Variants in CARMIL1 observed in about 807,000 individuals in gnomAD.
The protein encoded by CARMIL1 is capping protein regulator and myosin 1 linker 1, also known as F-actin-uncapping protein LRRC16A.
A neutral mutation model predicts 177.1 loss-of-function variants in CARMIL1; 90 were observed. That is an observed-to-expected ratio of 0.51 (90% CI 0.43 to 0.61). The LOEUF is 0.61. CARMIL1 is among the 20% of genes least tolerant of loss of function. The pLI, the probability that CARMIL1 is intolerant of heterozygous loss-of-function variation, is 0.00. For missense variants in CARMIL1, 1,380 were observed against 1,667.0 expected (o/e 0.83, Z 3.00); for synonymous variants, 577 against 606.2 (o/e 0.95, Z 0.71).
intron 2 of CARMIL1, among the ~76,000 whole-genome samples, chr6:25,301,985 T>G (rs948981625): frequency 7.2e-5 from 11 of 152,184 alleles, no homozygotes; most frequent in African/African-American, 2.4e-4. Flanking sequence ...TTAGAGCCTC[T>G]GGGTACTATT....
intron 33 of CARMIL1, among the ~76,000 whole-genome samples, chr6:25,603,695 T>G (rs1815651173): frequency 6.6e-6 from 1 of 152,174 alleles, no homozygotes; most frequent in South Asian, 2.1e-4. Flanking sequence ...CCACAGTGTT[T>G]TTGCTTGTTA....
rs112233391 is a variant in CARMIL1, at chr6:25,356,216, C to A, written c.139-63898C>A. Among the ~76,000 whole-genome samples the A allele has an allele frequency of 8.3e-3, 1,268 of 152,236 alleles. 5 individuals carry two copies. Among genetic ancestry groups the A allele is most frequent in the Non-Finnish European group, 0.015 (1,005 of 68,000 alleles). ...GGGACTACAGGCTCCCGCCACTGCG[C>A]CCGGCTAATTTTTTGTATTTTTAGT... On this transcript the variant is annotated intron_variant, in intron 2 of 36. Coordinates refer to ENST00000329474, the MANE Select transcript of CARMIL1 (RefSeq NM_017640.6).
intron 8 of CARMIL1, among the ~76,000 whole-genome samples, chr6:25,462,863 C>T (rs997444691): frequency 6.6e-6 from 1 of 152,206 alleles, no homozygotes; most frequent in Non-Finnish European, 1.5e-5. Context: ...AGCTACACTT[C>T]TTTTTCATCT....
intron 36 of CARMIL1, among the ~76,000 whole-genome samples, chr6:25,613,390 T>A (rs1384582156): frequency 6.6e-6 from 1 of 152,216 alleles, no homozygotes; most frequent in East Asian, 1.9e-4. Context: ...CCTTTATCAT[T>A]TTATCACCCT....
At chr6:25,320,766 G>A (rs1342938919) in intron 2 of CARMIL1, among the ~76,000 whole-genome samples, 1 of 152,202 alleles carries the variant, frequency 6.6e-6, no homozygotes, top group Non-Finnish European at 1.5e-5. Context: ...AAGGATCCCA[G>A]GAATGGGAAG....
At chr6:25,387,104 A>G (rs1172449804) in intron 2 of CARMIL1, among the ~76,000 whole-genome samples, 9 of 111,540 alleles carry the variant, frequency 8.1e-5, no homozygotes, top group Non-Finnish European at 1.6e-4. Flanking sequence ...ACAGAGTGAG[A>G]CTCTGTCTCC....
chr6:25,598,086 GT>G (rs1236520378), intron 32 of CARMIL1, among the ~76,000 whole-genome samples: 1 of 151,872 alleles, frequency 6.6e-6, no homozygotes, highest in Non-Finnish European at 1.5e-5. Context: ...CCTGAGGTGG[GT>G]TTTTTATTTT....
At chr6:25,488,338 A>C (rs1312728313) in intron 12 of CARMIL1, 144 bp from the exon 13 acceptor site, 1 of 685,718 alleles carries the variant, frequency 1.5e-6, no homozygotes, top group African/African-American at 1.8e-5. Context: ...AGGAGACACA[A>C]TCATAGCGCC....
rs1805304860 is a variant in CARMIL1 at position 25,509,946 on chromosome 6, A to G, written c.1477+209A>G. Among the ~76,000 whole-genome samples, 1 of 152,230 alleles carries G rather than the reference A, an allele frequency of 6.6e-6. No individual in the cohort carries two copies. ...TCTTACTAAGTTGACTCTGTGGCCA[A>G]CTATGCAAAGTCTATGCAGTAAAAC... On this transcript the variant is annotated intron_variant, in intron 18 of 36. Coordinates refer to ENST00000329474, the MANE Select transcript of CARMIL1 (RefSeq NM_017640.6). This position sits in a 1 kb window ranked among gnomAD's most constrained non-coding sequence, Gnocchi z 4.1.
At chr6:25,513,335 G>A (rs1582203502) in intron 20 of CARMIL1, among the ~76,000 whole-genome samples, 1 of 152,142 alleles carries the variant, frequency 6.6e-6, no homozygotes, top group East Asian at 1.9e-4. Flanking sequence ...TAAGAAAATT[G>A]AAGAAACCAA....
intron 2 of CARMIL1, among the ~76,000 whole-genome samples, chr6:25,407,643 G>A (rs1033642622): frequency 1.3e-5 from 2 of 152,142 alleles, no homozygotes; most frequent in African/African-American, 2.4e-5. Context: ...TGGAATAGGC[G>A]GCTAGGTAAG....
chr6:25,519,409 A>G (rs1806326524), intron 22 of CARMIL1, among the ~76,000 whole-genome samples: 1 of 152,222 alleles, frequency 6.6e-6, no homozygotes, highest in Non-Finnish European at 1.5e-5. Flanking sequence ...GTTAATGGTC[A>G]TCTGAGCACA....
chr6:25,538,003 G>T lies in CARMIL1; in HGVS notation c.2196+20G>T. The T allele has an allele frequency of 1.3e-6, 2 of 1,586,472 alleles. No homozygotes were observed. Among genetic ancestry groups the T allele is most frequent in the Non-Finnish European group, 1.7e-6 (2 of 1,167,252 alleles). ...AAAACGGTGAGTTTCACTTCAGGCT[G>T]TGTGAGAGTCTGGTATAATAAAAAC... On this transcript the variant is annotated intron_variant, in intron 25 of 36. Coordinates refer to ENST00000329474, the MANE Select transcript of CARMIL1 (RefSeq NM_017640.6).
At chr6:25,366,208 G>A (rs994042912) in intron 2 of CARMIL1, among the ~76,000 whole-genome samples, 4 of 151,868 alleles carry the variant, frequency 2.6e-5, no homozygotes, top group African/African-American at 9.7e-5. Flanking sequence ...TGTTGCCCAG[G>A]CTGATCTTAA....
chr6:25,366,606 T>C (rs1161735399), intron 2 of CARMIL1, among the ~76,000 whole-genome samples: 1 of 151,202 alleles, frequency 6.6e-6, no homozygotes, highest in Non-Finnish European at 1.5e-5. Flanking sequence ...CACTGCTGTA[T>C]ATCCAACCTT....
intron 3 of CARMIL1, among the ~76,000 whole-genome samples, chr6:25,421,658 A>G (rs1307511369): frequency 6.8e-6 from 1 of 147,674 alleles, no homozygotes; most frequent in Non-Finnish European, 1.5e-5. Context: ...GATTAAGAAA[A>G]TGTGGCACAT....
intron 2 of CARMIL1, among the ~76,000 whole-genome samples, chr6:25,392,017 G>C (rs1285986580): frequency 6.6e-6 from 1 of 150,848 alleles, no homozygotes; most frequent in Non-Finnish European, 1.5e-5. Flanking sequence ...TTCATCTTAG[G>C]CTGTTTTTTT....
intron 23 of CARMIL1, 60 bp from the exon 24 acceptor site, chr6:25,528,735 T>C (rs1015661413): frequency 8.9e-6 from 11 of 1,238,014 alleles, no homozygotes; most frequent in Non-Finnish European, 1.3e-5. Flanking sequence ...GTTTCACTTA[T>C]ACTTTATTCT....
intron 9 of CARMIL1, among the ~76,000 whole-genome samples, chr6:25,469,949 G>C (rs1237273025): frequency 2.0e-5 from 3 of 151,948 alleles, no homozygotes; most frequent in Non-Finnish European, 4.4e-5. Flanking sequence ...CATTAATAAA[G>C]AAAAAAATGC....
Sources: allele counts gnomAD v4.1 joint callset (sites outside exome capture counted in the v4.1 genomes callset), GRCh38; gene constraint gnomAD v4.1.1; non-coding constraint Gnocchi (gnomAD v3.1); transcripts MANE v1.5; gene names NCBI Gene and HGNC (gene_info 2026-07-23, HGNC 2026-07-21).